The following STPG1 variants were observed in gnomAD, a reference collection of about 807,000 sequenced individuals.
STPG1 encodes the protein sperm tail PG-rich repeat containing 1, also known as O(6)-methylguanine-induced apoptosis 2.
Under a neutral mutation model 40.1 loss-of-function variants are expected in STPG1, and 33 were observed. The ratio of observed to expected loss-of-function variants is 0.82; its 90% CI spans 0.62 to 1.10. The LOEUF is 1.10. Among genes scored for constraint, STPG1 ranks in the 50% least tolerant of loss-of-function variants. STPG1 has a pLI of 0.00. For missense variants in STPG1, 396 were observed against 415.1 expected (o/e 0.95, Z 0.40); for synonymous variants, 150 against 155.0 (o/e 0.97, Z 0.24).
At chr1:24,366,244 C>G (rs1029725599) in intron 7 of STPG1, among the ~76,000 whole-genome samples, 1 of 152,176 alleles carries the variant, frequency 6.6e-6, no homozygotes, top group African/African-American at 2.4e-5. Flanking sequence ...CACCGCCGCT[C>G]CACGTAGCCG....
At chr1:24,390,888 C>T (rs1290794670) in intron 3 of STPG1, among the ~76,000 whole-genome samples, 2 of 73,760 alleles carry the variant, frequency 2.7e-5, no homozygotes, top group South Asian at 3.5e-4. Context: ...CAGCCTCGAC[C>T]TCCTCGGTTC....
intron 7 of STPG1, among the ~76,000 whole-genome samples, chr1:24,361,337 G>T (rs1641102856): frequency 6.6e-6 from 1 of 152,188 alleles, no homozygotes; most frequent in Admixed American, 6.5e-5. Flanking sequence ...TGAGAGCTCA[G>T]TGTGCATTGC....
intron 5 of STPG1, among the ~76,000 whole-genome samples, chr1:24,374,597 C>T (rs1188387570): frequency 6.6e-6 from 1 of 150,842 alleles, no homozygotes; most frequent in Non-Finnish European, 1.5e-5. Context: ...GCTACACCCG[C>T]AAATTATCTT....
chr1:24,373,032 G>C (rs1351860258), intron 6 of STPG1, among the ~76,000 whole-genome samples: 1 of 152,190 alleles, frequency 6.6e-6, no homozygotes, highest in Admixed American at 6.5e-5. Context: ...AGGGACAATG[G>C]AATGATGGAG....
intron 2 of STPG1, among the ~76,000 whole-genome samples, chr1:24,395,351 C>T (rs555830055): frequency 8.0e-5 from 12 of 149,170 alleles, no homozygotes; most frequent in Middle Eastern, 3.5e-3. Context: ...ATCTGAATCA[C>T]ATAAAGGAAT....
At chr1:24,366,028 A>G (rs1249124319) in intron 7 of STPG1, among the ~76,000 whole-genome samples, 1 of 152,202 alleles carries the variant, frequency 6.6e-6, no homozygotes, top group Admixed American at 6.5e-5. Context: ...TTTGGCCAGT[A>G]ACATGAGACT....
intron 3 of STPG1, among the ~76,000 whole-genome samples, chr1:24,386,507 T>C (rs1642510991): frequency 6.6e-6 from 1 of 152,202 alleles, no homozygotes; most frequent in Admixed American, 6.5e-5. Flanking sequence ...GGTGGCAGTA[T>C]TTATGTCACA....
chr1:24,378,464 T>C (rs1475278131), intron 5 of STPG1, among the ~76,000 whole-genome samples: 1 of 152,008 alleles, frequency 6.6e-6, no homozygotes, highest in South Asian at 2.1e-4. Context: ...TGAAACCCCA[T>C]CTCTACTAAA....
intron 2 of STPG1, 52 bp from the exon 3 acceptor site, chr1:24,391,731 C>A: frequency 7.3e-7 from 1 of 1,376,860 alleles, no homozygotes. Flanking sequence ...CAATGATTGA[C>A]AAATGTGGAA....
At chr1:24,378,807 A>G (rs1001409439) in intron 5 of STPG1, among the ~76,000 whole-genome samples, 1 of 152,254 alleles carries the variant, frequency 6.6e-6, no homozygotes, top group African/African-American at 2.4e-5. Context: ...TGCGCACTTC[A>G]GAGTGCTTTC....
chr1:24,396,297 A>ATCTATCTG (rs1553126266), intron 2 of STPG1, among the ~76,000 whole-genome samples: 2,005 of 132,614 alleles, frequency 0.015, 14 homozygotes, highest in African/African-American at 0.022. Flanking sequence ...CTATCTATCT[A>ATCTATCTG]TCATCTATCT....
chr1:24,379,937 G>A (rs1570033683), intron 4 of STPG1, 114 bp from the exon 5 acceptor site: 14 of 1,047,096 alleles, frequency 1.3e-5, no homozygotes, highest in East Asian at 7.9e-5. Flanking sequence ...TATAAAAGGC[G>A]AAACTCTGGC....
At chr1:24,373,864 C>T (rs998036934) in intron 5 of STPG1, 54 bp from the exon 6 acceptor site, 11 of 1,292,036 alleles carry the variant, frequency 8.5e-6, no homozygotes, top group Non-Finnish European at 1.2e-5. Context: ...TCTTTGTCTT[C>T]GTCATCATGC....
intron 5 of STPG1, chr1:24,379,376 A>G (rs1264284039): frequency 2.9e-6 from 1 of 346,736 alleles, no homozygotes; most frequent in East Asian, 5.3e-5. Context: ...ACGTCCCAGA[A>G]AGGTTACAGG....
Position 24,373,696 on chromosome 1 carries a change from G to T in STPG1, c.571+6C>A, listed in dbSNP as rs1463298153. 1 of 1,599,602 alleles carries T rather than the reference G, an allele frequency of 6.3e-7. No individual in the cohort carries two copies. Among genetic ancestry groups the T allele is most frequent in the Non-Finnish European group, 8.6e-7 (1 of 1,167,216 alleles). On this transcript the variant is annotated splice_donor_region_variant and intron_variant, in intron 6 of 8. Coordinates refer to ENST00000337248, the MANE Select transcript of STPG1 (RefSeq NM_001199013.2). ...AGGTCAAGGCCAGTGCAAAGCAGCTGCTTACCTGGGGGAGGTCCTTTATCA... is the reference window on the plus strand; with the variant it reads ...AGGTCAAGGCCAGTGCAAAGCAGCTTCTTACCTGGGGGAGGTCCTTTATCA...
chr1:24,382,505 A>T (rs1458953431), intron 4 of STPG1, among the ~76,000 whole-genome samples: 1 of 152,224 alleles, frequency 6.6e-6, no homozygotes, highest in Non-Finnish European at 1.5e-5. Flanking sequence ...AAGAATCCAC[A>T]GCTGAGGCAG....
intron 3 of STPG1, among the ~76,000 whole-genome samples, chr1:24,387,941 A>G (rs996730627): frequency 6.6e-6 from 1 of 152,214 alleles, no homozygotes; most frequent in South Asian, 2.1e-4. Context: ...CAAGTTAATA[A>G]GTGAACAATA....
intron 5 of STPG1, 129 bp from the exon 6 acceptor site, chr1:24,373,939 CAGATG>C: frequency 2.3e-5 from 15 of 664,092 alleles, no homozygotes; most frequent in South Asian, 1.5e-4. Flanking sequence ...AGCAAATGAA[CAGATG>C]TGAGCTGTAA....
At chr1:24,376,043 TG>T (rs146746416) in intron 5 of STPG1, among the ~76,000 whole-genome samples, 2 of 152,134 alleles carry the variant, frequency 1.3e-5, no homozygotes, top group Non-Finnish European at 2.9e-5. Context: ...TGTTTTGAGA[TG>T]GGGTCTCACT....
Sources: allele counts gnomAD v4.1 joint callset (sites outside exome capture counted in the v4.1 genomes callset), GRCh38; gene constraint gnomAD v4.1.1; transcripts MANE v1.5; gene names NCBI Gene and HGNC (gene_info 2026-07-23, HGNC 2026-07-21).